C8orf74: variants seen among roughly 807,000 people sequenced by gnomAD.
The protein encoded by C8orf74 is chromosome 8 open reading frame 74.
A neutral mutation model predicts 22.2 loss-of-function variants in C8orf74; 29 were observed. That is an observed-to-expected ratio of 1.31 (90% CI 0.97 to 1.78). The LOEUF is 1.78. Among genes scored for constraint, C8orf74 ranks in the 40% most tolerant of loss-of-function variants. The pLI, the probability that C8orf74 is intolerant of heterozygous loss-of-function variation, is 0.00. For synonymous variants in C8orf74, 255 were observed against 163.1 expected (o/e 1.56, Z -4.30); for missense variants, 515 against 369.9 (o/e 1.39, Z -3.22).
intron 2 of C8orf74, among the ~76,000 whole-genome samples, chr8:10,681,488 G>C (rs535137630): frequency 6.6e-6 from 1 of 152,278 alleles, no homozygotes; most frequent in Admixed American, 6.5e-5. Flanking sequence ...GGATGTGGGG[G>C]CCTTGAGGAG....
intron 2 of C8orf74, among the ~76,000 whole-genome samples, chr8:10,696,759 C>T (rs1422236910): frequency 8.6e-5 from 13 of 151,988 alleles, no homozygotes; most frequent in Admixed American, 8.5e-4. Context: ...CCTCCTACTC[C>T]ACTCTTATGG....
At chr8:10,682,080 G>A (rs973004623) in intron 2 of C8orf74, among the ~76,000 whole-genome samples, 2 of 152,154 alleles carry the variant, frequency 1.3e-5, no homozygotes, top group Non-Finnish European at 2.9e-5. Context: ...CCTCACATCG[G>A]GGAGCCTCCA....
intron 2 of C8orf74, among the ~76,000 whole-genome samples, chr8:10,682,489 C>T (rs578016372): frequency 1.4e-4 from 21 of 152,266 alleles, no homozygotes; most frequent in South Asian, 8.3e-4. Flanking sequence ...TGTGGACATC[C>T]GCCTTCTCCC....
At chr8:10,687,571 G>A (rs1303423872) in intron 2 of C8orf74, among the ~76,000 whole-genome samples, 3 of 131,906 alleles carry the variant, frequency 2.3e-5, no homozygotes, top group South Asian at 2.3e-4. Context: ...GAGTAAGATC[G>A]CTCCACTGCA....
Position 10,672,833 on chromosome 8 carries a change from G to A in C8orf74, c.48+120G>A. On this transcript the variant is annotated intron_variant, in intron 1 of 3. Transcript: ENST00000304519. ...GGGGCAGCCACCCCGGCTCAGCACA[G>A]CACCTCTGAGGCTGTGACGAGATGT... is the stretch of plus-strand genomic sequence containing the variant. 3.7e-6 allele frequency: 3 copies of A among 814,670 alleles called. No homozygotes were observed. The South Asian group carries it at 4.6e-5, about 12-fold the overall frequency. 50.5% of individuals were successfully genotyped at this position (814,670 alleles called of 1,614,324 possible).
At chr8:10,676,157 G>C (rs927145671) in intron 2 of C8orf74, among the ~76,000 whole-genome samples, 1 of 152,032 alleles carries the variant, frequency 6.6e-6, no homozygotes, top group African/African-American at 2.4e-5. Flanking sequence ...AATTTATTTT[G>C]CTTTGAAATT....
chr8:10,692,839 T>G (rs1265448087), intron 2 of C8orf74: 1 of 152,238 alleles, frequency 6.6e-6, no homozygotes, highest in Non-Finnish European at 1.5e-5. Flanking sequence ...TCCTGGGAGC[T>G]GGGCACTGCT....
chr8:10,693,827 T>C (rs1799434136), intron 2 of C8orf74, among the ~76,000 whole-genome samples: 1 of 152,230 alleles, frequency 6.6e-6, no homozygotes, highest in African/African-American at 2.4e-5. Context: ...GCTCCTTCTG[T>C]GCACTGCCCA....
chr8:10,673,257 A>G (rs1183956515), intron 1 of C8orf74, among the ~76,000 whole-genome samples: 1 of 152,106 alleles, frequency 6.6e-6, no homozygotes, highest in Non-Finnish European at 1.5e-5. Context: ...GCTGCACCCC[A>G]AACATTTTTT....
intron 2 of C8orf74, among the ~76,000 whole-genome samples, chr8:10,696,488 C>T (rs1308718051): frequency 7.1e-6 from 1 of 140,326 alleles, no homozygotes; most frequent in African/African-American, 2.7e-5. Context: ...CTCTGTTTCC[C>T]AGGCTGAAGT....
chr8:10,693,295 C>A (rs1799423395), intron 2 of C8orf74, among the ~76,000 whole-genome samples: 1 of 152,188 alleles, frequency 6.6e-6, no homozygotes, highest in African/African-American at 2.4e-5. Flanking sequence ...CCCTCTGACC[C>A]AGTACATCCC....
intron 2 of C8orf74, 100 bp downstream of exon 2, chr8:10,674,938 G>A: frequency 9.9e-7 from 1 of 1,007,072 alleles, no homozygotes; most frequent in Non-Finnish European, 1.4e-6. Context: ...CCTTGGAGGA[G>A]CCAGGGCCCC....
At chr8:10,676,131 T>G (rs1046590498) in intron 2 of C8orf74, among the ~76,000 whole-genome samples, 1 of 152,212 alleles carries the variant, frequency 6.6e-6, no homozygotes, top group African/African-American at 2.4e-5. Flanking sequence ...TCTACTATTG[T>G]TGCAACTTTT....
chr8:10,684,951 C>A (rs974245754), intron 2 of C8orf74, among the ~76,000 whole-genome samples: 4 of 152,166 alleles, frequency 2.6e-5, no homozygotes, highest in African/African-American at 7.2e-5. Flanking sequence ...CCTAAGTGAC[C>A]AATGGGAGGG....
At position 10,698,021 on chromosome 8, in the gene C8orf74, C is replaced by T. The variant is rs199553361; in HGVS notation, c.648+16C>T. On this transcript the variant is annotated intron_variant, in intron 3 of 3. Coordinates refer to ENST00000304519, the MANE Select transcript of C8orf74 (RefSeq NM_001040032.2). ...GGAGAGACAGGTGAGGCTCTGCCCC[C>T]CTGCCGTGGGTGGGCACCTGGGCCT... 9.4e-5 allele frequency: 136 copies of T among 1,452,344 alleles called. No individual in the cohort carries two copies. Among genetic ancestry groups the T allele is most frequent in the Non-Finnish European group, 1.1e-4 (120 of 1,106,400 alleles). 90.0% of individuals were successfully genotyped at this position (1,452,344 alleles called of 1,614,324 possible).
At chr8:10,696,938 T>C (rs1002732005) in intron 2 of C8orf74, among the ~76,000 whole-genome samples, 5 of 144,978 alleles carry the variant, frequency 3.4e-5, no homozygotes, top group Non-Finnish European at 7.4e-5. Flanking sequence ...GGTGGGAGGA[T>C]AGCTTATGCC....
At chr8:10,690,481 C>T (rs1246771476) in intron 2 of C8orf74, among the ~76,000 whole-genome samples, 1 of 152,170 alleles carries the variant, frequency 6.6e-6, no homozygotes, top group Admixed American at 6.5e-5. Context: ...CGTCTGCTTC[C>T]CACCACACTG....
rs1055964590 is a variant in C8orf74, at chr8:10,686,219, G to A, written c.242-11380G>A. Among the ~76,000 whole-genome samples, 11 of 152,238 alleles carry A rather than the reference G, an allele frequency of 7.2e-5. No individual in the cohort carries two copies. The East Asian group carries it at 2.1e-3, about 29-fold the overall frequency. On this transcript the variant is annotated intron_variant, in intron 2 of 3. Transcript: ENST00000304519. ...ATCTTCCATTCACTCCTAAAAAATG[G>A]CTGTGTTGTACTCTCCTTGGAGTTG...
intron 2 of C8orf74, among the ~76,000 whole-genome samples, chr8:10,687,506 G>T (rs191265680): frequency 2.6e-5 from 4 of 151,588 alleles, no homozygotes; most frequent in Admixed American, 2.6e-4. Flanking sequence ...CAGCTACTTG[G>T]GAAGCTGAGA....
Sources: gnomAD v4.1 joint callset for allele counts (sites outside exome capture counted in the v4.1 genomes callset) on GRCh38, gnomAD v4.1.1 for gene constraint, MANE v1.5 for transcripts, NCBI Gene and HGNC (gene_info 2026-07-23, HGNC 2026-07-21) for gene names.